The following NCKAP5 variants were observed in gnomAD, a reference collection of about 807,000 sequenced individuals.
The protein encoded by NCKAP5 is NCK associated protein 5, also known as nck-associated protein 5.
In NCKAP5, 92 loss-of-function variants were observed where a neutral mutation model predicts 167.0. That is an observed-to-expected ratio of 0.55 (90% CI 0.47 to 0.66). NCKAP5 has a LOEUF of 0.66. Among genes scored for constraint, NCKAP5 ranks in the 30% least tolerant of loss-of-function variants. NCKAP5 has a pLI of 0.00. For synonymous variants in NCKAP5, 891 were observed against 877.4 expected, an observed-to-expected ratio of 1.02 and a Z score of -0.27; for missense variants, 2,378 against 2,315.0, an observed-to-expected ratio of 1.03 and a Z score of -0.56.
intron 5 of NCKAP5, among the ~76,000 whole-genome samples, chr2:133,153,830 C>CTT (rs2083467820): frequency 7.7e-6 from 1 of 129,346 alleles, no homozygotes; most frequent in Admixed American, 7.9e-5. Flanking sequence ...ATAGTTCCTC[C>CTT]TTCTTTTTTT....
chr2:133,290,728 CTTTT>C (rs58758295), intron 4 of NCKAP5, among the ~76,000 whole-genome samples: 22 of 89,364 alleles, frequency 2.5e-4, no homozygotes, highest in South Asian at 4.4e-4. Context: ...AGAATTTCTC[CTTTT>C]TTTTTTTTTT....
intron 6 of NCKAP5, among the ~76,000 whole-genome samples, chr2:133,045,043 G>A (rs779138658): frequency 3.3e-5 from 5 of 150,082 alleles, no homozygotes; most frequent in Admixed American, 1.3e-4. Context: ...AACAAAGCAA[G>A]GCTCTGTAGA....
chr2:133,476,910 C>T (rs970887301), intron 3 of NCKAP5, among the ~76,000 whole-genome samples: 1 of 152,162 alleles, frequency 6.6e-6, no homozygotes, highest in Non-Finnish European at 1.5e-5. Flanking sequence ...AACAGCTTCT[C>T]ATCATGAGTT....
intron 6 of NCKAP5, among the ~76,000 whole-genome samples, chr2:133,032,720 A>C (rs940340757): frequency 2.0e-5 from 3 of 152,194 alleles, no homozygotes; most frequent in African/African-American, 4.8e-5. Flanking sequence ...CTATAAAAAA[A>C]CCTGAGACTG....
chr2:133,153,573 C>T, intron 5 of NCKAP5, among the ~76,000 whole-genome samples: 1 of 152,014 alleles, frequency 6.6e-6, no homozygotes, highest in East Asian at 1.9e-4. Context: ...TCACAAAGCC[C>T]TTAATTTTCC....
intron 6 of NCKAP5, among the ~76,000 whole-genome samples, chr2:133,023,311 T>C (rs547640875): frequency 6.6e-6 from 1 of 152,242 alleles, no homozygotes; most frequent in Non-Finnish European, 1.5e-5. Context: ...TACTGTCTCT[T>C]AGACCTGTGA....
intron 3 of NCKAP5, among the ~76,000 whole-genome samples, chr2:133,329,587 G>A (rs1378606241): frequency 1.3e-5 from 2 of 152,122 alleles, no homozygotes; most frequent in African/African-American, 4.8e-5. Context: ...GATGGGCTTA[G>A]CAAATGAGCA....
intron 3 of NCKAP5, among the ~76,000 whole-genome samples, chr2:133,448,906 C>T (rs1469875764): frequency 6.6e-6 from 1 of 152,200 alleles, no homozygotes; most frequent in East Asian, 1.9e-4. Flanking sequence ...GCTTCTTAAT[C>T]TCTGTAGCCA....
chr2:133,285,643 T>A (rs13399558), intron 4 of NCKAP5, among the ~76,000 whole-genome samples: 23,087 of 152,096 alleles, frequency 0.15, 1,752 homozygotes, highest in African/African-American at 0.17. Context: ...TCTTCCTTTA[T>A]ATAATGCACG....
intron 13 of NCKAP5, among the ~76,000 whole-genome samples, chr2:132,787,694 C>T (rs944307999): frequency 6.6e-6 from 1 of 152,152 alleles, no homozygotes; most frequent in Non-Finnish European, 1.5e-5. Flanking sequence ...GATGCTGCCC[C>T]ACTTCCTCTT....
intron 6 of NCKAP5, among the ~76,000 whole-genome samples, chr2:133,050,617 T>C (rs768544943): frequency 4.6e-5 from 7 of 152,178 alleles, no homozygotes; most frequent in South Asian, 4.1e-4. Context: ...ATAGATGAAA[T>C]TGTAATTCAG....
intron 3 of NCKAP5, among the ~76,000 whole-genome samples, chr2:133,470,146 C>T (rs1322244750): frequency 1.3e-5 from 2 of 152,120 alleles, no homozygotes; most frequent in Non-Finnish European, 2.9e-5. Flanking sequence ...GTGGTTTTAT[C>T]TACTTTTGGT....
intron 6 of NCKAP5, among the ~76,000 whole-genome samples, chr2:133,052,546 C>T (rs1018200335): frequency 6.6e-6 from 1 of 151,968 alleles, no homozygotes; most frequent in African/African-American, 2.4e-5. Context: ...GGCGAAAACT[C>T]ATCTCTACTA....
chr2:132,920,784 T>C (rs1167052928), intron 8 of NCKAP5, among the ~76,000 whole-genome samples: 3 of 63,570 alleles, frequency 4.7e-5, no homozygotes, highest in Admixed American at 1.8e-4. Flanking sequence ...TATATATATA[T>C]ATATATATAT....
chr2:133,454,815 G>T (rs1245166255), intron 3 of NCKAP5, among the ~76,000 whole-genome samples: 1 of 151,922 alleles, frequency 6.6e-6, no homozygotes, highest in African/African-American at 2.4e-5. Flanking sequence ...CTACAATTAT[G>T]AAGCTATCTG....
chr2:132,778,888 T>C (rs1042111465), intron 15 of NCKAP5, among the ~76,000 whole-genome samples: 2 of 152,180 alleles, frequency 1.3e-5, no homozygotes. Flanking sequence ...AAGGAGTCTA[T>C]AGCAACGTCC....
intron 3 of NCKAP5, among the ~76,000 whole-genome samples, chr2:133,456,404 G>C (rs775309290): frequency 6.6e-6 from 1 of 152,034 alleles, no homozygotes; most frequent in Admixed American, 6.6e-5. Flanking sequence ...GCTGCACTCT[G>C]CATCAGTCAT....
chr2:133,657,566 A>G, the NCKAP5 span, among the ~76,000 whole-genome samples: 18 of 152,340 alleles, frequency 1.2e-4, no homozygotes, highest in South Asian at 4.1e-4. Context: ...GGAAAAGTCA[A>G]AGAGACATTA....
At position 132,996,997 on chromosome 2, in the gene NCKAP5, A is replaced by T. The variant is rs978800223; in HGVS notation, c.342-2758T>A. On this transcript the variant is annotated intron_variant, in intron 6 of 19. Transcript: ENST00000409261. ...GCATGTATTTGAGTGACTCAGTATGACACTGGTTGAAGAGAACTGTGAAGA... is the reference window on the plus strand; with the variant it reads ...GCATGTATTTGAGTGACTCAGTATGTCACTGGTTGAAGAGAACTGTGAAGA... 2.5e-4 allele frequency among the ~76,000 whole-genome samples: 38 copies of T among 152,196 alleles called. 2 individuals are homozygous for T. The highest frequency in any genetic ancestry group is 2.3e-3 in the Admixed American group (35 of 15,282).
Sources: gnomAD v4.1 joint callset for allele counts (sites outside exome capture counted in the v4.1 genomes callset) on GRCh38, gnomAD v4.1.1 for gene constraint, MANE v1.5 for transcripts, NCBI Gene and HGNC (gene_info 2026-07-23, HGNC 2026-07-21) for gene names.